RASSF9: variants seen among roughly 807,000 people sequenced by gnomAD.
RASSF9 encodes Ras association domain family member 9, also known as ras association domain-containing protein 9.
In RASSF9, 18 loss-of-function variants were observed where a neutral mutation model predicts 21.4. The ratio of observed to expected loss-of-function variants is 0.84; its 90% confidence interval spans 0.58 to 1.25. The LOEUF (loss-of-function observed/expected upper bound fraction) is 1.25, where lower values mean the gene tolerates loss of function less well. RASSF9 is among the 50% of genes most tolerant of loss of function. The pLI, the probability that RASSF9 is intolerant of heterozygous loss-of-function variation, is 0.00. For synonymous variants in RASSF9, 183 were observed against 179.1 expected (o/e 1.02, Z -0.18); for missense variants, 480 against 503.2 (o/e 0.95, Z 0.44).
At chr12:85,815,885 C>G (rs1284802409) in intron 1 of RASSF9, among the ~76,000 whole-genome samples, 1 of 151,902 alleles carries the variant, frequency 6.6e-6, no homozygotes, top group Non-Finnish European at 1.5e-5. Context: ...GCACTATTCA[C>G]AATAGCAAAG....
chr12:85,833,845 C>G (rs2136565721), intron 1 of RASSF9, among the ~76,000 whole-genome samples: 1 of 152,064 alleles, frequency 6.6e-6, no homozygotes, highest in Middle Eastern at 3.4e-3. Context: ...AATATAGTGA[C>G]TCTTATCAGA....
At chr12:85,834,411 A>G (rs1038010447) in intron 1 of RASSF9, among the ~76,000 whole-genome samples, 1 of 152,052 alleles carries the variant, frequency 6.6e-6, no homozygotes, top group African/African-American at 2.4e-5. Flanking sequence ...AAACTTTTAA[A>G]AAATGTTTGC....
At chr12:85,811,525 A>T (rs1045379972) in intron 1 of RASSF9, among the ~76,000 whole-genome samples, 2 of 151,878 alleles carry the variant, frequency 1.3e-5, no homozygotes, top group Admixed American at 1.3e-4. Flanking sequence ...AAAAGCATTT[A>T]CTCAAAAAAG....
At chr12:85,829,533 C>T (rs1026144584) in intron 1 of RASSF9, among the ~76,000 whole-genome samples, 8 of 152,012 alleles carry the variant, frequency 5.3e-5, no homozygotes, top group African/African-American at 1.2e-4. Context: ...TATTACTGCC[C>T]GTTTCTTGGA....
At chr12:85,824,765 C>A (rs1484472736) in intron 1 of RASSF9, among the ~76,000 whole-genome samples, 1 of 152,104 alleles carries the variant, frequency 6.6e-6, no homozygotes, top group East Asian at 1.9e-4. Context: ...TGAGAACAAC[C>A]TGCTGTTACA....
intron 1 of RASSF9, among the ~76,000 whole-genome samples, chr12:85,819,757 T>C (rs1880166936): frequency 6.6e-6 from 1 of 152,222 alleles, no homozygotes; most frequent in Admixed American, 6.5e-5. Context: ...TAATGACTAG[T>C]TCCCTGTCTG....
chr12:85,832,267 T>C (rs906739331), intron 1 of RASSF9, among the ~76,000 whole-genome samples: 2 of 151,940 alleles, frequency 1.3e-5, no homozygotes, highest in African/African-American at 4.8e-5. Flanking sequence ...GAAAAATACA[T>C]TGGACACTAT....
chr12:85,801,317 T>C lies in RASSF9; in HGVS notation c.*3385A>G, dbSNP rs1879694544. 6.6e-6 allele frequency: 1 copy of C among 152,194 alleles called. No homozygotes were observed. Among genetic ancestry groups the C allele is most frequent in the South Asian group, 2.1e-4 (1 of 4,834 alleles). 9.4% of individuals were successfully genotyped at this position (152,194 alleles called of 1,614,324 possible). A position where few individuals can be genotyped will look rare whatever the true frequency, so the allele number is the denominator to read the frequency against. On this transcript the variant is annotated 3_prime_UTR_variant, in exon 2 of 2. Coordinates refer to ENST00000361228, the MANE Select transcript of RASSF9 (RefSeq NM_005447.4). ...CCAAAATGTATAAGGTCAATTACTG[T>C]TAATGTTTTAAGTCTGCTAAAATAC...
chr12:85,821,585 G>C (rs1428828727), intron 1 of RASSF9, among the ~76,000 whole-genome samples: 1 of 152,004 alleles, frequency 6.6e-6, no homozygotes, highest in African/African-American at 2.4e-5. Context: ...ACCTAGGACA[G>C]TCATCACTTA....
Position 85,836,290 on chromosome 12 carries a change from A to C in RASSF9, c.-89T>G. 2.0e-6 allele frequency: 3 copies of C among 1,529,482 alleles called. No homozygotes were observed. Among genetic ancestry groups the C allele is most frequent in the Non-Finnish European group, 2.6e-6 (3 of 1,132,134 alleles). 94.7% of individuals were successfully genotyped at this position (1,529,482 alleles called of 1,614,324 possible). On this transcript the variant is annotated 5_prime_UTR_variant, in exon 1 of 2. Transcript: ENST00000361228. ...TCTGGATTTCCAGGGTGAAGGGAGG[A>C]GGGCTGGAAGCTTTCTCTTCTCCTC...
intron 1 of RASSF9, among the ~76,000 whole-genome samples, chr12:85,815,854 A>G (rs1016139937): frequency 2.0e-5 from 3 of 152,056 alleles, no homozygotes; most frequent in African/African-American, 7.2e-5. Context: ...AAATGCATGT[A>G]CATACGCATA....
chr12:85,818,719 G>A (rs951262779), intron 1 of RASSF9, among the ~76,000 whole-genome samples: 32 of 151,422 alleles, frequency 2.1e-4, no homozygotes, highest in African/African-American at 7.5e-4. Flanking sequence ...CCAGCACTTC[G>A]GGATGCCGAG....
In RASSF9 at chr12:85,811,919, C is replaced by G. The variant is rs111884868; in HGVS notation, c.48-5957G>C. ...GGTTCTGATTAAAACTCATCACAAT[C>G]AATAAAACTTAAGAAGTTGTACAAT... On this transcript the variant is annotated intron_variant, in intron 1 of 1. Coordinates refer to ENST00000361228, the MANE Select transcript of RASSF9 (RefSeq NM_005447.4). 9.4e-3 allele frequency among the ~76,000 whole-genome samples: 1,431 copies of G among 151,782 alleles called. 26 individuals are homozygous for G. The highest frequency in any genetic ancestry group is 0.032 in the African/African-American group (1,345 of 41,488).
In RASSF9 at chr12:85,829,502, T is replaced by A. The variant is rs542925842; in HGVS notation, c.47+6653A>T. Among the ~76,000 whole-genome samples, 1,501 of 152,240 alleles carry A rather than the reference T, an allele frequency of 9.9e-3. 28 individuals are homozygous for A. The highest frequency in any genetic ancestry group is 0.034 in the African/African-American group (1,411 of 41,548). Reference sequence around the variant, plus strand: ...TGTTTTCCACCAACTCAACTAAGATTATGGATTGCCAAACTGACCATATTA... The same window carrying A: ...TGTTTTCCACCAACTCAACTAAGATAATGGATTGCCAAACTGACCATATTA... On this transcript the variant is annotated intron_variant, in intron 1 of 1. Transcript: ENST00000361228.
chr12:85,835,944 C>G (rs1349060), intron 1 of RASSF9, among the ~76,000 whole-genome samples: 32,029 of 152,000 alleles, frequency 0.21, 3,596 homozygotes, highest in Non-Finnish European at 0.25. Flanking sequence ...GCTGGTCACT[C>G]CCATCATCAA....
At chr12:85,808,742 T>C (rs917678678) in intron 1 of RASSF9, among the ~76,000 whole-genome samples, 5 of 152,032 alleles carry the variant, frequency 3.3e-5, no homozygotes, top group African/African-American at 4.8e-5. Context: ...ACTAGGATAT[T>C]TGAAAAGCAA....
chr12:85,831,670 G>T (rs1458513960), intron 1 of RASSF9, among the ~76,000 whole-genome samples: 2 of 151,784 alleles, frequency 1.3e-5, no homozygotes, highest in Admixed American at 6.6e-5. Context: ...TACAATTTTG[G>T]ATACATTTTA....
chr12:85,836,243 T>A lies in RASSF9; in HGVS notation c.-42A>T, dbSNP rs777021848. On this transcript the variant is annotated 5_prime_UTR_variant, in exon 1 of 2. Transcript: ENST00000361228. ...GAATAAAGAAATTATCTTAAAGTGA[T>A]CTGAGGGTGGGGGTGGGGGTGTCTG... is the stretch of plus-strand genomic sequence containing the variant. The A allele has an allele frequency of 3.5e-6, 4 of 1,158,510 alleles. No homozygotes were observed. Among genetic ancestry groups the A allele is most frequent in the Non-Finnish European group, 2.3e-6 (2 of 869,316 alleles). 71.8% of individuals were successfully genotyped at this position (1,158,510 alleles called of 1,614,324 possible).
chr12:85,819,720 C>T (rs1004116617), intron 1 of RASSF9, among the ~76,000 whole-genome samples: 6 of 152,146 alleles, frequency 3.9e-5, no homozygotes, highest in Non-Finnish European at 1.5e-5. Context: ...GTTCCTAAGC[C>T]AATGACTGAT....
Sources: allele counts gnomAD v4.1 joint callset (sites outside exome capture counted in the v4.1 genomes callset), GRCh38; gene constraint gnomAD v4.1.1; transcripts MANE v1.5; gene names NCBI Gene and HGNC (gene_info 2026-07-23, HGNC 2026-07-21).